Variants in DLG2 observed in about 807,000 individuals in gnomAD.
DLG2 encodes the protein disks large homolog 2.
DLG2 carries 45 observed loss-of-function variants against 132.5 expected under a neutral mutation model. The ratio of observed to expected loss-of-function variants is 0.34; its 90% confidence interval spans 0.27 to 0.44. The LOEUF is 0.44. DLG2 is among the 20% of genes least tolerant of loss of function. The pLI, the probability that DLG2 is intolerant of heterozygous loss-of-function variation, is 1.00. For synonymous variants in DLG2, 424 were observed against 419.6 expected (o/e 1.01, Z -0.13); for missense variants, 1,045 against 1,196.9 (o/e 0.87, Z 1.87).
At chr11:83,517,466 A>G (rs2095335252) in intron 21 of DLG2, among the ~76,000 whole-genome samples, 1 of 152,146 alleles carries the variant, frequency 6.6e-6, no homozygotes, top group South Asian at 2.1e-4. Context: ...ATGGGTTCAA[A>G]CTTCCTTCTT....
At chr11:85,479,839 G>A (rs540748906) in intron 3 of DLG2, among the ~76,000 whole-genome samples, 4 of 152,190 alleles carry the variant, frequency 2.6e-5, no homozygotes, top group African/African-American at 7.2e-5. Context: ...GCTTGTAGAT[G>A]GCTGTCTTCT....
Position 85,184,971 on chromosome 11 carries a change from C to A in DLG2, c.187-30320G>T, listed in dbSNP as rs192190680. Reference sequence around the variant, plus strand: ...GGGTTGAAATTTATGTATCTAGAATCCAAGAGAATATTCTAAGCAACTAAA... The same window carrying A: ...GGGTTGAAATTTATGTATCTAGAATACAAGAGAATATTCTAAGCAACTAAA... On this transcript the variant is annotated intron_variant, in intron 4 of 27. Transcript: ENST00000376104. Among the ~76,000 whole-genome samples the A allele has an allele frequency of 3.3e-5, 5 of 151,848 alleles. No individual in the cohort carries two copies. The East Asian group carries it at 9.7e-4, about 29-fold the overall frequency.
chr11:84,531,053 T>C (rs1480853508), intron 7 of DLG2, among the ~76,000 whole-genome samples: 4 of 151,990 alleles, frequency 2.6e-5, no homozygotes, highest in Non-Finnish European at 5.9e-5. Flanking sequence ...GAGGTAGAGG[T>C]TGCAGGGAGC....
At chr11:84,859,256 T>C (rs145242267) in intron 6 of DLG2, among the ~76,000 whole-genome samples, 64 of 149,974 alleles carry the variant, frequency 4.3e-4, no homozygotes, top group African/African-American at 1.5e-3. Flanking sequence ...TATATATACA[T>C]ATATATACAT....
chr11:85,427,639 A>T (rs184763084), intron 3 of DLG2, among the ~76,000 whole-genome samples: 5 of 152,352 alleles, frequency 3.3e-5, no homozygotes, highest in African/African-American at 7.2e-5. Flanking sequence ...CTAAACATGG[A>T]AAGGAACAAC....
intron 6 of DLG2, among the ~76,000 whole-genome samples, chr11:84,922,776 T>A (rs576616001): frequency 4.7e-4 from 71 of 152,200 alleles, no homozygotes; most frequent in African/African-American, 1.6e-3. Flanking sequence ...CTTCTCTGAT[T>A]TCTTGGTTCT....
At chr11:85,158,312 G>GA (rs1050798692) in intron 4 of DLG2, among the ~76,000 whole-genome samples, 1 of 151,562 alleles carries the variant, frequency 6.6e-6, no homozygotes, top group South Asian at 2.1e-4. Context: ...CAGCTCGAGT[G>GA]AAAAAAAAGG....
chr11:84,360,970 C>T (rs1049181365), intron 7 of DLG2, among the ~76,000 whole-genome samples: 9 of 151,380 alleles, frequency 5.9e-5, no homozygotes, highest in African/African-American at 2.2e-4. Flanking sequence ...AAAAAAGATA[C>T]CCAAAATGAA....
At chr11:85,439,726 T>C (rs2091680813) in intron 3 of DLG2, among the ~76,000 whole-genome samples, 1 of 152,148 alleles carries the variant, frequency 6.6e-6, no homozygotes, top group Non-Finnish European at 1.5e-5. Context: ...TTAAAAGAGA[T>C]ATATGTGTGA....
Position 84,991,022 on chromosome 11 carries a change from T to C in DLG2, c.357+120639A>G, listed in dbSNP as rs866205560. Reference sequence around the variant, plus strand: ...ACTACAGTATATCCACACCATGGGATGCTACTCAGCAATAAAAAAGAATGG... The same window carrying C: ...ACTACAGTATATCCACACCATGGGACGCTACTCAGCAATAAAAAAGAATGG... On this transcript the variant is annotated intron_variant, in intron 6 of 27. Transcript: ENST00000376104. 2.4e-4 allele frequency among the ~76,000 whole-genome samples: 36 copies of C among 152,324 alleles called. No individual in the cohort carries two copies. The Middle Eastern group carries it at 0.01, about 43-fold the overall frequency.
At chr11:83,733,936 C>T (rs2091459595) in intron 18 of DLG2, among the ~76,000 whole-genome samples, 1 of 151,184 alleles carries the variant, frequency 6.6e-6, no homozygotes, top group African/African-American at 2.4e-5. Context: ...TCCCACCCTC[C>T]CAAGTCTCCA....
At chr11:84,975,855 T>C (rs1034341501) in intron 6 of DLG2, among the ~76,000 whole-genome samples, 2 of 152,186 alleles carry the variant, frequency 1.3e-5, no homozygotes, top group Non-Finnish European at 2.9e-5. Flanking sequence ...TTCGTTGTTT[T>C]CCGCCAGTCT....
chr11:84,599,903 A>C (rs574315947), intron 6 of DLG2, among the ~76,000 whole-genome samples: 1 of 151,752 alleles, frequency 6.6e-6, no homozygotes, highest in Admixed American at 6.6e-5. Flanking sequence ...ATAGTGGTGC[A>C]CACTTGTAGT....
chr11:84,762,812 TC>T (rs2067824850), intron 6 of DLG2, among the ~76,000 whole-genome samples: 1 of 152,098 alleles, frequency 6.6e-6, no homozygotes, highest in Non-Finnish European at 1.5e-5. Flanking sequence ...ACAGTGAGGA[TC>T]TAAGAGTAAG....
At chr11:85,239,979 C>CTAACTTGT (rs1813605139) in intron 4 of DLG2, among the ~76,000 whole-genome samples, 1 of 151,912 alleles carries the variant, frequency 6.6e-6, no homozygotes, top group Non-Finnish European at 1.5e-5. Context: ...CCATGCCAAA[C>CTAACTTGT]TAACTTGTTA....
chr11:83,949,564 G>A (rs796261532), intron 14 of DLG2, among the ~76,000 whole-genome samples: 4 of 151,956 alleles, frequency 2.6e-5, no homozygotes, highest in African/African-American at 9.7e-5. Context: ...AGAAACCAAG[G>A]GATAAATAGT....
chr11:85,445,988 C>T (rs1223755222), intron 3 of DLG2, among the ~76,000 whole-genome samples: 1 of 152,170 alleles, frequency 6.6e-6, no homozygotes, highest in Non-Finnish European at 1.5e-5. Flanking sequence ...CCCAAAGCCA[C>T]AAATATGTCT....
intron 6 of DLG2, among the ~76,000 whole-genome samples, chr11:84,691,743 T>C (rs1246117911): frequency 6.6e-6 from 1 of 151,784 alleles, no homozygotes; most frequent in Non-Finnish European, 1.5e-5. Flanking sequence ...TACAGCACTC[T>C]AGTTCTTACA....
chr11:84,582,532 G>A (rs2099519091), intron 6 of DLG2, among the ~76,000 whole-genome samples: 1 of 147,974 alleles, frequency 6.8e-6, no homozygotes, highest in Non-Finnish European at 1.5e-5. Flanking sequence ...TGTATTTTAA[G>A]TTAAAAGAGT....
Sources: gnomAD v4.1 joint callset for allele counts (sites outside exome capture counted in the v4.1 genomes callset) on GRCh38, gnomAD v4.1.1 for gene constraint, MANE v1.5 for transcripts, NCBI Gene and HGNC (gene_info 2026-07-23, HGNC 2026-07-21) for gene names.